The following AASDH variants were observed in gnomAD, a reference collection of about 807,000 sequenced individuals.
The protein encoded by AASDH is aminoadipate-semialdehyde dehydrogenase.
A neutral mutation model predicts 102.3 loss-of-function variants in AASDH; 81 were observed. The ratio of observed to expected loss-of-function variants is 0.79; its 90% CI spans 0.66 to 0.95. The LOEUF (loss-of-function observed/expected upper bound fraction) is 0.95, where lower values mean the gene tolerates loss of function less well. Among genes scored for constraint, AASDH ranks in the 40% least tolerant of loss-of-function variants. The pLI is 0.00. For missense variants in AASDH, 1,203 were observed against 1,266.2 expected (o/e 0.95, Z 0.76); for synonymous variants, 398 against 454.0 (o/e 0.88, Z 1.57).
intron 2 of AASDH, among the ~76,000 whole-genome samples, chr4:56,383,680 T>C (rs1753232415): frequency 6.6e-6 from 1 of 152,230 alleles, no homozygotes; most frequent in African/African-American, 2.4e-5. Flanking sequence ...TACTGATTTA[T>C]TGAATACCTT....
rs763726096 is a variant in AASDH, at chr4:56,371,683, A to G, written c.669-40T>C. The G allele has an allele frequency of 9.8e-6, 15 of 1,536,124 alleles. No homozygotes were observed. The African/African-American group carries it at 1.7e-4, about 17-fold the overall frequency. On this transcript the variant is annotated intron_variant, in intron 4 of 14. Transcript: ENST00000205214. ...AATGCAGTTATGAGAAACGTCAAAC[A>G]TTCAGTAAGCACATATCCTAAAAGA... is the stretch of plus-strand genomic sequence containing the variant.
At chr4:56,355,593 G>GTGTTTTTTTT (rs1749529687) in intron 5 of AASDH, among the ~76,000 whole-genome samples, 170 bp from the exon 6 acceptor site, 1 of 91,916 alleles carries the variant, frequency 1.1e-5, no homozygotes, top group African/African-American at 4.2e-5. Flanking sequence ...TTATCTTCTT[G>GTGTTTTTTTT]TTTTTTTTTT....
At chr4:56,341,975 G>C (rs1241850625) in intron 14 of AASDH, among the ~76,000 whole-genome samples, 2 of 151,816 alleles carry the variant, frequency 1.3e-5, no homozygotes, top group Non-Finnish European at 2.9e-5. Context: ...AGCCAGGCAT[G>C]GCAGCATGCG....
At chr4:56,378,872 T>C (rs1289800953) in intron 3 of AASDH, among the ~76,000 whole-genome samples, 1 of 150,680 alleles carries the variant, frequency 6.6e-6, no homozygotes, top group African/African-American at 2.4e-5. Flanking sequence ...AGTGGTATAA[T>C]CTTTATTTTT....
At chr4:56,339,503 C>T (rs867418995) in intron 14 of AASDH, among the ~76,000 whole-genome samples, 1 of 152,076 alleles carries the variant, frequency 6.6e-6, no homozygotes, top group East Asian at 1.9e-4. Flanking sequence ...ATAATCCCAG[C>T]ATTTTGGGAG....
chr4:56,345,696 T>A (rs1255318571), intron 11 of AASDH, among the ~76,000 whole-genome samples: 4 of 152,204 alleles, frequency 2.6e-5, no homozygotes, highest in African/African-American at 7.2e-5. Flanking sequence ...TGTGGAGTCA[T>A]CTACTTCCAG....
intron 5 of AASDH, among the ~76,000 whole-genome samples, chr4:56,358,136 T>A (rs140067203): frequency 6.6e-6 from 1 of 152,156 alleles, no homozygotes; most frequent in African/African-American, 2.4e-5. Flanking sequence ...TTAATACATA[T>A]ACATATATAT....
chr4:56,359,636 G>T (rs1416891690), intron 5 of AASDH, among the ~76,000 whole-genome samples: 2 of 144,384 alleles, frequency 1.4e-5, no homozygotes, highest in Non-Finnish European at 3.0e-5. Flanking sequence ...TTGGCTCACT[G>T]CAATCGCCAC....
chr4:56,379,930 C>T (rs763822877), intron 3 of AASDH, among the ~76,000 whole-genome samples: 3 of 152,058 alleles, frequency 2.0e-5, no homozygotes, highest in African/African-American at 7.3e-5. Context: ...CCTTAATAAC[C>T]GTGTACACTC....
At chr4:56,353,992 T>C (rs1749284022) in intron 8 of AASDH, 47 bp downstream of exon 8, 2 of 1,493,308 alleles carry the variant, frequency 1.3e-6, no homozygotes, top group East Asian at 4.9e-5. Context: ...TGGCTGCTTC[T>C]ACTACTTACA....
At chr4:56,357,883 A>G (rs987319341) in intron 5 of AASDH, among the ~76,000 whole-genome samples, 1 of 151,596 alleles carries the variant, frequency 6.6e-6, no homozygotes, top group Non-Finnish European at 1.5e-5. Flanking sequence ...TTTCTAACAA[A>G]AAAGCCTACT....
At chr4:56,370,469 G>A (rs1751558822) in intron 5 of AASDH, among the ~76,000 whole-genome samples, 1 of 152,144 alleles carries the variant, frequency 6.6e-6, no homozygotes, top group South Asian at 2.1e-4. Flanking sequence ...ATGGTATTAG[G>A]AGGTAGGGCC....
Position 56,382,617 on chromosome 4 carries a change from G to A in AASDH, c.231-20C>T. The A allele has an allele frequency of 6.2e-7, 1 of 1,600,276 alleles. No individual in the cohort carries two copies. On this transcript the variant is annotated intron_variant, in intron 2 of 14. Transcript: ENST00000205214. Reference sequence around the variant, plus strand: ...AGAATTCTAAAGAAAAAAGTACACAGTCAGCATAGAATGTCTGTTGATTTA... The same window carrying A: ...AGAATTCTAAAGAAAAAAGTACACAATCAGCATAGAATGTCTGTTGATTTA...
At chr4:56,381,649 T>TCTCACACACATACA (rs3223650) in intron 3 of AASDH, 40 of 142,374 alleles carry the variant, frequency 2.8e-4, no homozygotes, top group African/African-American at 1.0e-3. Flanking sequence ...TTGACACTTC[T>TCTCACACACATACA]CACACACACA....
At chr4:56,360,510 T>C (rs932996928) in intron 5 of AASDH, among the ~76,000 whole-genome samples, 2 of 152,242 alleles carry the variant, frequency 1.3e-5, no homozygotes, top group African/African-American at 2.4e-5. Flanking sequence ...CATACCAGAA[T>C]GCCACGAAGT....
At chr4:56,371,222 T>C (rs1011811809) in intron 5 of AASDH, among the ~76,000 whole-genome samples, 4 of 152,192 alleles carry the variant, frequency 2.6e-5, no homozygotes, top group African/African-American at 9.6e-5. Context: ...CTAATTATTA[T>C]AGTATGCACA....
Position 56,349,547 on chromosome 4 carries a change from G to A in AASDH, c.2204C>T (p.Ser735Phe). The part of the protein sequence containing the change: ...PVLIGKSKDP[S>F]CVAKVSEEGK... ...CTCTTCAGAAACTTTTGCAACACAGGATGGATCTTTTGACTTCCCAATAAG... is the reference window on the plus strand; with the variant it reads ...CTCTTCAGAAACTTTTGCAACACAGAATGGATCTTTTGACTTCCCAATAAG... The change falls in exon 11 of 15, where the codon TCC (serine) becomes TTC (phenylalanine). Residue 735 changes from serine to phenylalanine, a missense_variant. Ser to Phe is a radical substitution (Grantham distance 155, BLOSUM62 -2). Coordinates refer to ENST00000205214, the MANE Select transcript of AASDH (RefSeq NM_181806.4). The A allele has an allele frequency of 1.2e-6, 2 of 1,614,162 alleles. No individual in the cohort carries two copies. Among genetic ancestry groups the A allele is most frequent in the Non-Finnish European group, 1.7e-6 (2 of 1,180,042 alleles).
At chr4:56,349,149 G>T in intron 11 of AASDH, 114 bp downstream of exon 11, 3 of 1,133,214 alleles carry the variant, frequency 2.6e-6, no homozygotes, top group Non-Finnish European at 3.7e-6. Context: ...TATAATTTTT[G>T]GACAGCAACC....
chr4:56,370,396 A>G (rs75756122), intron 5 of AASDH, among the ~76,000 whole-genome samples: 3 of 151,718 alleles, frequency 2.0e-5, no homozygotes, highest in Non-Finnish European at 4.4e-5. Context: ...GAGAGAGAGA[A>G]AGAAAGAAAG....
Sources: gnomAD v4.1 joint callset for allele counts (sites outside exome capture counted in the v4.1 genomes callset) on GRCh38, gnomAD v4.1.1 for gene constraint, MANE v1.5 for transcripts, NCBI Gene and HGNC (gene_info 2026-07-23, HGNC 2026-07-21) for gene names.